TMTC1: variants seen among roughly 807,000 people sequenced by gnomAD.
The protein encoded by TMTC1 is transmembrane O-mannosyltransferase targeting cadherins 1, also known as protein O-mannosyl-transferase TMTC1.
Under a neutral mutation model 104.8 loss-of-function variants are expected in TMTC1, and 73 were observed. The observed-to-expected ratio is 0.70, with a 90% CI of 0.58 to 0.85. The LOEUF (loss-of-function observed/expected upper bound fraction) is 0.85. Ranked by LOEUF, TMTC1 falls within the 40% of genes least tolerant of loss-of-function variation. TMTC1 has a pLI of 0.00. For missense variants in TMTC1, 1,035 were observed against 1,096.1 expected (o/e 0.94, Z 0.79); for synonymous variants, 434 against 428.7 (o/e 1.01, Z -0.15).
At chr12:29,757,276 C>T (rs1046260965) in intron 3 of TMTC1, among the ~76,000 whole-genome samples, 1 of 152,174 alleles carries the variant, frequency 6.6e-6, no homozygotes, top group Admixed American at 6.5e-5. Context: ...TCAATCATAG[C>T]CCCACTGGCA....
chr12:29,628,411 G>A (rs1938117868), intron 6 of TMTC1, among the ~76,000 whole-genome samples: 1 of 152,052 alleles, frequency 6.6e-6, no homozygotes, highest in African/African-American at 2.4e-5. Flanking sequence ...AAACTCTAAG[G>A]CTTCCAGCCA....
chr12:29,577,086 C>A lies in TMTC1; in HGVS notation c.1419-4868G>T, dbSNP rs565329126. 5.9e-5 allele frequency among the ~76,000 whole-genome samples: 9 copies of A among 152,172 alleles called. No individual in the cohort carries two copies. The East Asian group carries it at 1.7e-3, about 29-fold the overall frequency. On this transcript the variant is annotated intron_variant, in intron 8 of 17. Transcript: ENST00000539277. The stretch of plus-strand genomic sequence containing the variant: ...GAACCAGCAATGCCCAATGTTGGCA[C>A]CAGCTGAGGTTGATAAGATAGCCTG...
intron 9 of TMTC1, among the ~76,000 whole-genome samples, chr12:29,557,364 C>T (rs1945271900): frequency 1.3e-5 from 2 of 152,230 alleles, no homozygotes; most frequent in Admixed American, 1.3e-4. Context: ...AGGCCTCTGA[C>T]CAGCTGCCTG....
In TMTC1 at chr12:29,766,861, T is replaced by G. The variant is rs548111882; in HGVS notation, c.480+1037A>C. Among the ~76,000 whole-genome samples the G allele has an allele frequency of 7.2e-5, 11 of 152,284 alleles. No individual in the cohort carries two copies. The East Asian group carries it at 2.1e-3, about 29-fold the overall frequency. On this transcript the variant is annotated intron_variant, in intron 2 of 17. Transcript: ENST00000539277. Reference sequence around the variant, plus strand: ...ATGCACATCAAACAAACCAGTTGTATTTACTGAGCTGGGAAACAAAGCAGC... The same window carrying G: ...ATGCACATCAAACAAACCAGTTGTAGTTACTGAGCTGGGAAACAAAGCAGC...
intron 5 of TMTC1, among the ~76,000 whole-genome samples, chr12:29,648,860 AT>A (rs1243312730): frequency 1.3e-5 from 2 of 152,192 alleles, no homozygotes; most frequent in Admixed American, 6.5e-5. Flanking sequence ...GATTTTTTAC[AT>A]TTTTTTCTTA....
At chr12:29,743,038 A>G (rs1419981764) in intron 5 of TMTC1, among the ~76,000 whole-genome samples, 1 of 152,228 alleles carries the variant, frequency 6.6e-6, no homozygotes, top group Non-Finnish European at 1.5e-5. Flanking sequence ...AAATCCTAGC[A>G]CTACCATTTA....
At chr12:29,748,524 T>A (rs1943011862) in intron 5 of TMTC1, among the ~76,000 whole-genome samples, 1 of 152,186 alleles carries the variant, frequency 6.6e-6, no homozygotes, top group South Asian at 2.1e-4. Context: ...ACAGTCTGGG[T>A]TCCAATCCTG....
intron 5 of TMTC1, among the ~76,000 whole-genome samples, chr12:29,641,758 C>T (rs960267599): frequency 6.6e-6 from 1 of 152,046 alleles, no homozygotes; most frequent in South Asian, 2.1e-4. Context: ...CCTGATTTAC[C>T]TGGAGAAGAA....
At chr12:29,700,792 G>A (rs1941566813) in intron 5 of TMTC1, among the ~76,000 whole-genome samples, 2 of 151,992 alleles carry the variant, frequency 1.3e-5, no homozygotes, top group Non-Finnish European at 2.9e-5. Context: ...TTGAAAAATG[G>A]GACTAAAGCT....
At chr12:29,720,629 C>A (rs116595025) in intron 5 of TMTC1, among the ~76,000 whole-genome samples, 3,130 of 65,306 alleles carry the variant, frequency 0.048, 119 homozygotes, top group African/African-American at 0.14. Context: ...TATAAATGGA[C>A]AAAAAGATAG....
At chr12:29,705,524 C>T (rs940483918) in intron 5 of TMTC1, among the ~76,000 whole-genome samples, 1 of 152,170 alleles carries the variant, frequency 6.6e-6, no homozygotes, top group Non-Finnish European at 1.5e-5. Flanking sequence ...AGAGGGCACC[C>T]ACTGAAATCT....
chr12:29,712,959 A>G (rs1329098958), intron 5 of TMTC1, among the ~76,000 whole-genome samples: 1 of 152,166 alleles, frequency 6.6e-6, no homozygotes, highest in Non-Finnish European at 1.5e-5. Context: ...ACACCAGGCT[A>G]GACGTTGCTA....
chr12:29,524,713 A>G (rs1944286451), intron 11 of TMTC1, among the ~76,000 whole-genome samples: 1 of 152,174 alleles, frequency 6.6e-6, no homozygotes, highest in South Asian at 2.1e-4. Flanking sequence ...GGAATGAACC[A>G]ATGTTCTGGT....
intron 1 of TMTC1, among the ~76,000 whole-genome samples, chr12:29,775,284 C>A (rs1323527596): frequency 2.0e-5 from 3 of 151,960 alleles, no homozygotes; most frequent in African/African-American, 4.8e-5. Context: ...GTTCTGACAT[C>A]AACTTCCCAG....
At chr12:29,778,828 C>CTGGG (rs770777572) in intron 1 of TMTC1, among the ~76,000 whole-genome samples, 11 of 152,150 alleles carry the variant, frequency 7.2e-5, no homozygotes, top group Non-Finnish European at 1.6e-4. Context: ...TTTACTATTG[C>CTGGG]TGGGGCTGGT....
chr12:29,604,309 A>C lies in TMTC1; in HGVS notation c.1129-10T>G. On this transcript the variant is annotated splice_polypyrimidine_tract_variant and intron_variant, in intron 6 of 17. Transcript: ENST00000539277. ...CCTTGTGCTCCAGTCTCTGAAACAC[A>C]CAATAGTGAAGGAAACATTAACTTC... The C allele has an allele frequency of 6.2e-7, 1 of 1,613,798 alleles. No homozygotes were observed. The highest frequency in any genetic ancestry group is 8.5e-7 in the Non-Finnish European group (1 of 1,179,728).
chr12:29,577,925 C>A (rs889506800), intron 8 of TMTC1, among the ~76,000 whole-genome samples: 6 of 152,000 alleles, frequency 3.9e-5, no homozygotes, highest in Non-Finnish European at 1.5e-5. Flanking sequence ...CTTTAATAAT[C>A]AAATTTCTAT....
Position 29,516,432 on chromosome 12 carries a change from G to A in TMTC1, c.2224C>T (p.His742Tyr). Reference sequence around the variant, plus strand: ...CATCCGGTCTCCTCTGACACAATGTGATTGGTCATCTTTTCAGCTTCTTTT... The same window carrying A: ...CATCCGGTCTCCTCTGACACAATGTAATTGGTCATCTTTTCAGCTTCTTTT... The part of the protein sequence containing the change: ...QTKEAEKMTN[H>Y]IVSEETGCLE... The change falls in exon 15 of 18, where the codon CAC becomes TAC. Residue 742 changes from histidine (H) to tyrosine (Y), a missense_variant. His to Tyr is a moderately conservative substitution (Grantham distance 83). Coordinates refer to ENST00000539277, the MANE Select transcript of TMTC1 (RefSeq NM_001193451.2). 1 of 1,613,998 alleles carries A rather than the reference G, an allele frequency of 6.2e-7. No individual in the cohort carries two copies. The highest frequency in any genetic ancestry group is 1.1e-5 in the South Asian group (1 of 91,060).
At chr12:29,596,112 T>G (rs1212355971) in intron 7 of TMTC1, among the ~76,000 whole-genome samples, 2 of 152,110 alleles carry the variant, frequency 1.3e-5, no homozygotes, top group Non-Finnish European at 2.9e-5. Context: ...GTTCAAGCAC[T>G]TCTCCTGCCC....
Sources: gnomAD v4.1 joint callset for allele counts (sites outside exome capture counted in the v4.1 genomes callset) on GRCh38, gnomAD v4.1.1 for gene constraint, MANE v1.5 for transcripts, NCBI Gene and HGNC (gene_info 2026-07-23, HGNC 2026-07-21) for gene names.